Variants in RP1 observed in about 807,000 individuals in gnomAD.
RP1 encodes oxygen-regulated protein 1.
RP1 carries 16 observed loss-of-function variants against 14.8 expected under a neutral mutation model. The observed-to-expected ratio is 1.08, with a 90% CI of 0.73 to 1.65. RP1 has a LOEUF of 1.65. Ranked by LOEUF, RP1 falls within the 40% of genes most tolerant of loss-of-function variation. RP1 has a pLI of 0.00. For synonymous variants in RP1, 876 were observed against 883.6 expected (o/e 0.99, Z 0.15); for missense variants, 2,631 against 2,535.0 (o/e 1.04, Z -0.81).
chr8:54,671,393 T>G (rs1807176593), intron 7 of RP1, among the ~76,000 whole-genome samples: 2 of 152,156 alleles, frequency 1.3e-5, no homozygotes, highest in African/African-American at 4.8e-5. Flanking sequence ...TAGAAGTTTT[T>G]GGCTATTATT....
intron 24 of RP1, among the ~76,000 whole-genome samples, chr8:54,828,882 C>CTTTTTTTTTTTTTTTTTTTTTTTTT (rs201534661): frequency 2.4e-5 from 2 of 83,900 alleles, no homozygotes; most frequent in African/African-American, 4.8e-5. Context: ...TCTTCTTCTT[C>CTTTTTTTTTTTTTTTTTTTTTTTTT]TTTTTTTTTT....
chr8:54,816,767 G>A (rs1811141353), intron 24 of RP1, among the ~76,000 whole-genome samples: 1 of 152,108 alleles, frequency 6.6e-6, no homozygotes, highest in Non-Finnish European at 1.5e-5. Flanking sequence ...ATCCTCACAT[G>A]GCTTCACATC....
intron 1 of RP1, among the ~76,000 whole-genome samples, chr8:54,590,987 A>G (rs1023858441): frequency 1.3e-5 from 2 of 152,198 alleles, no homozygotes; most frequent in Non-Finnish European, 2.9e-5. Context: ...TCTTTATCCT[A>G]TAACCTACAA....
At chr8:54,589,699 A>G (rs538845607) in intron 1 of RP1, among the ~76,000 whole-genome samples, 1 of 152,312 alleles carries the variant, frequency 6.6e-6, no homozygotes, top group East Asian at 1.9e-4. Context: ...GGAGCTCAAG[A>G]TGTGAAAAAC....
intron 1 of RP1, among the ~76,000 whole-genome samples, chr8:54,572,718 T>C (rs1804549962): frequency 6.6e-6 from 1 of 152,204 alleles, no homozygotes; most frequent in Non-Finnish European, 1.5e-5. Context: ...TCCACTTTTA[T>C]GTACTCAATG....
chr8:54,630,437 CT>C lies in RP1; in HGVS notation c.*85del. ...ATGTGACGAATACGGACTAGATAACCTCTAAGAATTTTCCACTTCTTCAAAA... is the reference window on the plus strand; with the variant it reads ...ATGTGACGAATACGGACTAGATAACCCTAAGAATTTTCCACTTCTTCAAAA... On this transcript the variant is annotated 3_prime_UTR_variant, in exon 4 of 4. Transcript: ENST00000220676. The C allele has an allele frequency of 6.4e-7, 1 of 1,562,254 alleles. No individual in the cohort carries two copies. Among genetic ancestry groups the C allele is most frequent in the Non-Finnish European group, 8.7e-7 (1 of 1,154,734 alleles).
At chr8:54,851,145 G>A (rs1046282433) in intron 25 of RP1, among the ~76,000 whole-genome samples, 1 of 152,186 alleles carries the variant, frequency 6.6e-6, no homozygotes, top group African/African-American at 2.4e-5. Flanking sequence ...AGCTTCTGGG[G>A]ACACTGTGTT....
intron 15 of RP1, among the ~76,000 whole-genome samples, chr8:54,714,901 C>T (rs1461604659): frequency 6.6e-6 from 1 of 152,194 alleles, no homozygotes; most frequent in Non-Finnish European, 1.5e-5. Context: ...AAGATTTCCC[C>T]TATCAGGGGC....
At chr8:54,566,057 C>T (rs891592331) in intron 1 of RP1, among the ~76,000 whole-genome samples, 3 of 148,370 alleles carry the variant, frequency 2.0e-5, no homozygotes, top group Non-Finnish European at 3.0e-5. Context: ...TATAAGGACA[C>T]AGCCCAGCTG....
intron 24 of RP1, among the ~76,000 whole-genome samples, chr8:54,817,350 G>C (rs936485123): frequency 6.6e-6 from 1 of 152,148 alleles, no homozygotes; most frequent in Admixed American, 6.5e-5. Context: ...TGCTTTTGGA[G>C]GAGATGGGAT....
intron 28 of RP1, chr8:54,865,999 C>G: frequency 1.9e-6 from 1 of 535,614 alleles, no homozygotes; most frequent in Non-Finnish European, 2.8e-6. Context: ...ATGCCTCATC[C>G]CAGCTGTTGG....
chr8:54,617,740 T>G (rs777265519), intron 1 of RP1, among the ~76,000 whole-genome samples: 2 of 152,242 alleles, frequency 1.3e-5, no homozygotes, highest in Non-Finnish European at 2.9e-5. Context: ...ACTCTTCCTC[T>G]TCTTCAGTTG....
At chr8:54,706,675 TC>T (rs1157995169) in intron 15 of RP1, 4 of 1,534,948 alleles carry the variant, frequency 2.6e-6, no homozygotes, top group Non-Finnish European at 3.5e-6. Context: ...TGCTCTTGTT[TC>T]TCTCAGCAAA....
chr8:54,769,677 C>G, intron 22 of RP1: 1 of 1,123,284 alleles, frequency 8.9e-7, no homozygotes. Flanking sequence ...TTGAGAAAAT[C>G]AGAAATTAAT....
At chr8:54,780,135 T>G (rs1221672135) in intron 23 of RP1, among the ~76,000 whole-genome samples, 1 of 152,222 alleles carries the variant, frequency 6.6e-6, no homozygotes, top group Non-Finnish European at 1.5e-5. Flanking sequence ...TGGTCTCTGT[T>G]GCAACTACTC....
At chr8:54,763,081 A>C (rs1809679919) in intron 22 of RP1, among the ~76,000 whole-genome samples, 1 of 152,206 alleles carries the variant, frequency 6.6e-6, no homozygotes, top group Non-Finnish European at 1.5e-5. Flanking sequence ...TATTTAACCC[A>C]GTATACTTTT....
intron 1 of RP1, among the ~76,000 whole-genome samples, chr8:54,590,478 C>T (rs1805021527): frequency 6.6e-6 from 1 of 152,148 alleles, no homozygotes. Context: ...TAACCGCCAC[C>T]TTTCCTTAGA....
At chr8:54,580,972 T>G (rs1268936054) in intron 1 of RP1, among the ~76,000 whole-genome samples, 1 of 151,862 alleles carries the variant, frequency 6.6e-6, no homozygotes, top group Non-Finnish European at 1.5e-5. Flanking sequence ...AACAATGAAA[T>G]CAGGACTCAA....
chr8:54,624,789 GA>G lies in RP1; in HGVS notation c.911del (p.Lys304ArgfsTer28). 1 of 1,613,974 alleles carries G rather than the reference GA, an allele frequency of 6.2e-7. No individual in the cohort carries two copies. The highest frequency in any genetic ancestry group is 8.5e-7 in the Non-Finnish European group (1 of 1,179,956). On this transcript the variant is annotated frameshift_variant, in exon 4 of 4. Coordinates refer to ENST00000220676, the MANE Select transcript of RP1 (RefSeq NM_006269.2). LOFTEE classifies it low-confidence loss of function (END_TRUNC). ...TGTTCCTGAAAAGTACTTGGCCTTA[GA>G]AAAGAATGATTCTCAGAATTTACCA... ...SFVPEKYLAL[E>X]KNDSQNLPIY...
Sources: gnomAD v4.1 joint callset for allele counts (sites outside exome capture counted in the v4.1 genomes callset) on GRCh38, gnomAD v4.1.1 for gene constraint, MANE v1.5 for transcripts, NCBI Gene and HGNC (gene_info 2026-07-23, HGNC 2026-07-21) for gene names.